Variants in PRIM2 observed in about 807,000 individuals in gnomAD.
The protein encoded by PRIM2 is DNA primase large subunit.
PRIM2 carries 39 observed loss-of-function variants against 67.3 expected under a neutral mutation model. That is an observed-to-expected ratio of 0.58 (90% CI 0.45 to 0.76). The LOEUF is 0.76. PRIM2 is among the 30% of genes least tolerant of loss of function. The probability of loss-of-function intolerance (pLI) is 0.00; values close to 1 mark genes in which losing one functional copy is unlikely to be tolerated. For missense variants in PRIM2, 398 were observed against 598.7 expected, an observed-to-expected ratio of 0.66 and a Z score of 3.50; for synonymous variants, 143 against 198.7, an observed-to-expected ratio of 0.72 and a Z score of 2.36.
the PRIM2 span, among the ~76,000 whole-genome samples, chr6:57,266,911 T>C: frequency 1.3e-5 from 2 of 152,084 alleles, no homozygotes; most frequent in Non-Finnish European, 2.9e-5. Context: ...AAATGATTAG[T>C]GGAATGATGA....
the PRIM2 span, among the ~76,000 whole-genome samples, chr6:57,266,236 G>T: frequency 6.6e-6 from 1 of 152,174 alleles, no homozygotes; most frequent in African/African-American, 2.4e-5. Flanking sequence ...GCAGTTTCAT[G>T]TGGGCAGCTT....
rs1164739157 is a variant in PRIM2 at position 57,324,217 on chromosome 6, A to G, written c.275A>G (p.Glu92Gly). The G allele has an allele frequency of 6.3e-7, 1 of 1,597,828 alleles. No individual in the cohort carries two copies. ...KFSYRENLED[E>G]YEPRRRDHIS... ...ATTTTTAAGGAAAACTTAGAAGATGAATATGAACCACGAAGAAGAGATCAT... is the reference window on the plus strand; with the variant it reads ...ATTTTTAAGGAAAACTTAGAAGATGGATATGAACCACGAAGAAGAGATCAT... Residue 92 changes from glutamate (E) to glycine (G), a missense_variant, in exon 4 of 14, where the codon GAA becomes GGA. Coordinates refer to ENST00000615550, the MANE Select transcript of PRIM2 (RefSeq NM_000947.5).
the PRIM2 span, among the ~76,000 whole-genome samples, chr6:57,262,165 C>G: frequency 1.3e-5 from 2 of 152,112 alleles, no homozygotes; most frequent in Admixed American, 6.6e-5. Flanking sequence ...ATTTCTGATT[C>G]AGTCACTTAC....
chr6:57,262,014 C>G, the PRIM2 span, among the ~76,000 whole-genome samples: 1 of 152,180 alleles, frequency 6.6e-6, no homozygotes, highest in Non-Finnish European at 1.5e-5. Context: ...TGTTTTCTGC[C>G]AGAACCCTGG....
chr6:57,492,662 A>G (rs1409237428), intron 7 of PRIM2, among the ~76,000 whole-genome samples: 1 of 152,148 alleles, frequency 6.6e-6, no homozygotes, highest in African/African-American at 2.4e-5. Context: ...AGTTATTGAG[A>G]TATTTTACAT....
intron 12 of PRIM2, among the ~76,000 whole-genome samples, chr6:57,614,511 T>C (rs1318207648): frequency 1.3e-5 from 2 of 152,116 alleles, no homozygotes; most frequent in African/African-American, 4.8e-5. Flanking sequence ...ATACAATCTA[T>C]ATTGGTCATT....
chr6:57,271,965 T>C, the PRIM2 span, among the ~76,000 whole-genome samples: 2 of 152,254 alleles, frequency 1.3e-5, no homozygotes, highest in Non-Finnish European at 2.9e-5. Flanking sequence ...TCCTGAGTTC[T>C]AGTTTGATTG....
intron 10 of PRIM2, among the ~76,000 whole-genome samples, chr6:57,539,653 TG>T (rs1775100090): frequency 4.9e-5 from 2 of 41,194 alleles, no homozygotes; most frequent in African/African-American, 3.0e-4. Flanking sequence ...TGTGTGTGTG[TG>T]TGTATATATA....
intron 10 of PRIM2, among the ~76,000 whole-genome samples, chr6:57,562,173 A>G (rs1775645642): frequency 6.6e-6 from 1 of 152,208 alleles, no homozygotes; most frequent in Non-Finnish European, 1.5e-5. Flanking sequence ...AGCAAAACAG[A>G]CATAATAATA....
intron 8 of PRIM2, among the ~76,000 whole-genome samples, chr6:57,529,037 G>A (rs1307717234): frequency 1.3e-5 from 2 of 152,156 alleles, no homozygotes; most frequent in African/African-American, 2.4e-5. Context: ...CCAGCCGGGC[G>A]CAGTGGCTCA....
Position 57,425,374 on chromosome 6 carries a change from A to G in PRIM2, c.693+43206A>G, listed in dbSNP as rs36153873. ...AACTGGGACTACAGGCGCACATCAC[A>G]CCCAGCTAATTTTTGTATTTTTAGT... On this transcript the variant is annotated intron_variant, in intron 7 of 13. Transcript: ENST00000615550. 4.4e-4 allele frequency among the ~76,000 whole-genome samples: 67 copies of G among 151,988 alleles called. 1 individual carries two copies. Among genetic ancestry groups the G allele is most frequent in the African/African-American group, 1.1e-3 (45 of 41,474 alleles).
intron 5 of PRIM2, among the ~76,000 whole-genome samples, chr6:57,337,802 A>G (rs1768312564): frequency 1.3e-5 from 2 of 152,120 alleles, no homozygotes; most frequent in South Asian, 4.1e-4. Context: ...TTAGGATTAG[A>G]AAAGCAAGAA....
At chr6:57,486,676 A>G (rs1773760276) in intron 7 of PRIM2, among the ~76,000 whole-genome samples, 2 of 152,246 alleles carry the variant, frequency 1.3e-5, no homozygotes, top group Admixed American at 1.3e-4. Flanking sequence ...TATTATCTTT[A>G]TAGCTCAGCC....
At chr6:57,423,412 A>G (rs544882962) in intron 7 of PRIM2, among the ~76,000 whole-genome samples, 3 of 152,318 alleles carry the variant, frequency 2.0e-5, no homozygotes, top group African/African-American at 7.2e-5. Flanking sequence ...AAAGAAATCT[A>G]GAAGAACCCA....
chr6:57,293,227 A>T, the PRIM2 span, among the ~76,000 whole-genome samples: 1 of 152,252 alleles, frequency 6.6e-6, no homozygotes, highest in Non-Finnish European at 1.5e-5. Context: ...CAACAGACAT[A>T]TGAAGAAATA....
chr6:57,371,145 A>G (rs1304682721), intron 5 of PRIM2, among the ~76,000 whole-genome samples: 2 of 146,746 alleles, frequency 1.4e-5, no homozygotes, highest in Non-Finnish European at 3.0e-5. Context: ...TTTTTTTTCA[A>G]AATTATATCT....
chr6:57,507,431 T>G lies in PRIM2; in HGVS notation c.738T>G (p.Leu246=), dbSNP rs1774272696. Residue 246 remains leucine, a synonymous_variant, in exon 8 of 14, where the codon CTT becomes CTG. Transcript: ENST00000615550. ...SLPAVQSDER[L]QPLLNHLSHS... is the part of the protein sequence containing the mutation. ...CTGCTGTGCAGTCTGATGAAAGACT[T>G]CAGCCTCTGCTCAATCACCTCAGGT... 8.3e-6 allele frequency: 13 copies of G among 1,557,410 alleles called. No homozygotes were observed. Among genetic ancestry groups the G allele is most frequent in the Admixed American group, 3.9e-5 (2 of 50,822 alleles).
At chr6:57,378,505 G>GTAT (rs1417368125) in intron 5 of PRIM2, among the ~76,000 whole-genome samples, 1 of 152,122 alleles carries the variant, frequency 6.6e-6, no homozygotes, top group Non-Finnish European at 1.5e-5. Flanking sequence ...TGTTCGTGAA[G>GTAT]TATAGTTTTT....
At chr6:57,378,796 A>T (rs7772520) in intron 5 of PRIM2, among the ~76,000 whole-genome samples, 3 of 152,168 alleles carry the variant, frequency 2.0e-5, no homozygotes, top group Non-Finnish European at 2.9e-5. Flanking sequence ...AAGATGTTTT[A>T]AAAATTTTAT....
Sources: gnomAD v4.1 joint callset for allele counts (sites outside exome capture counted in the v4.1 genomes callset) on GRCh38, gnomAD v4.1.1 for gene constraint, MANE v1.5 for transcripts, NCBI Gene and HGNC (gene_info 2026-07-23, HGNC 2026-07-21) for gene names.